The following SMAGP variants were observed in gnomAD, a reference collection of about 807,000 sequenced individuals.
SMAGP encodes the protein small cell transmembrane and glycosylated protein.
SMAGP carries 7 observed loss-of-function variants against 10.1 expected under a neutral mutation model. That is an observed-to-expected ratio of 0.70 (90% confidence interval 0.40 to 1.31). The LOEUF (loss-of-function observed/expected upper bound fraction) is 1.31. Ranked by LOEUF, SMAGP falls within the 50% of genes most tolerant of loss-of-function variation. The probability of loss-of-function intolerance (pLI) is 0.01; values close to 1 mark genes in which losing one functional copy is unlikely to be tolerated. For missense variants in SMAGP, 113 were observed against 116.5 expected (o/e 0.97, Z 0.14); for synonymous variants, 49 against 47.2 (o/e 1.04, Z -0.16).
intron 2 of SMAGP, among the ~76,000 whole-genome samples, chr12:51,256,123 G>GA (rs1417677178): frequency 2.0e-5 from 3 of 152,128 alleles, no homozygotes; most frequent in African/African-American, 7.2e-5. Flanking sequence ...AGCTCAGTGA[G>GA]AAAGTGGTGA....
chr12:51,249,531 C>T (rs1217021684), intron 2 of SMAGP, among the ~76,000 whole-genome samples: 1 of 152,118 alleles, frequency 6.6e-6, no homozygotes, highest in African/African-American at 2.4e-5. Flanking sequence ...CAGAGAAATT[C>T]TCAAATATTT....
intron 2 of SMAGP, 46 bp downstream of exon 2, chr12:51,269,199 G>T: frequency 6.2e-7 from 1 of 1,609,538 alleles, no homozygotes; most frequent in Non-Finnish European, 8.5e-7. Context: ...GGAAGGGGAT[G>T]TTGAACAATT....
In SMAGP at chr12:51,262,119, CAT is replaced by C. The variant is rs1474977968; in HGVS notation, c.34+7124_34+7125del. Among the ~76,000 whole-genome samples the C allele has an allele frequency of 5.6e-4, 85 of 151,662 alleles. 1 individual carries two copies. The highest frequency in any genetic ancestry group is 2.1e-4 in the South Asian group (1 of 4,792). ...AACTTTAAAAAACCCTATAAATATG[CAT>C]ATATATGTTTGTACATAGAAAAGGT... On this transcript the variant is annotated intron_variant, in intron 2 of 3. Transcript: ENST00000603798.
intron 2 of SMAGP, among the ~76,000 whole-genome samples, chr12:51,255,848 T>G (rs944112486): frequency 6.6e-6 from 1 of 152,168 alleles, no homozygotes; most frequent in Non-Finnish European, 1.5e-5. Flanking sequence ...CTCAGCTTAT[T>G]GCAGCCTCCG....
At chr12:51,246,427 CAGGA>C (rs1944770494) in intron 3 of SMAGP, 2 of 450,194 alleles carry the variant, frequency 4.4e-6, no homozygotes, top group Non-Finnish European at 7.9e-6. Context: ...CTTATCCTAA[CAGGA>C]AGTGGTTTAT....
chr12:51,263,589 C>CA (rs1408557128), intron 2 of SMAGP, among the ~76,000 whole-genome samples: 1 of 152,022 alleles, frequency 6.6e-6, no homozygotes, highest in East Asian at 1.9e-4. Flanking sequence ...CTTATTTCTA[C>CA]AAAAAATTAT....
At chr12:51,253,127 T>C (rs370412016) in intron 2 of SMAGP, among the ~76,000 whole-genome samples, 9 of 151,996 alleles carry the variant, frequency 5.9e-5, no homozygotes, top group East Asian at 1.9e-4. Context: ...TACGGCCTGT[T>C]TGGGGGGCTT....
At chr12:51,268,972 TCA>T (rs1945002201) in intron 2 of SMAGP, among the ~76,000 whole-genome samples, 1 of 152,184 alleles carries the variant, frequency 6.6e-6, no homozygotes, top group African/African-American at 2.4e-5. Context: ...TCCTCCTGTC[TCA>T]GTCTCCCAAA....
At position 51,245,807 on chromosome 12, in the gene SMAGP, G is replaced by T; in HGVS notation, c.*134C>A. ...GTCAGTGATGTCGGCATTTGGGACT[G>T]CGACCTGGCTGGAGCTTGGATTTGC... On this transcript the variant is annotated 3_prime_UTR_variant, in exon 4 of 4. Transcript: ENST00000603798. 9.8e-7 allele frequency: 1 copy of T among 1,022,460 alleles called. No individual in the cohort carries two copies. The highest frequency in any genetic ancestry group is 1.4e-6 in the Non-Finnish European group (1 of 710,298). 63.3% of individuals were successfully genotyped at this position (1,022,460 alleles called of 1,614,324 possible).
chr12:51,262,664 A>G (rs1266166536), intron 2 of SMAGP, among the ~76,000 whole-genome samples: 2 of 152,162 alleles, frequency 1.3e-5, no homozygotes, highest in Non-Finnish European at 2.9e-5. Flanking sequence ...GCTCAGGTTC[A>G]TAAGATTGAA....
chr12:51,246,518 G>A (rs914726385), intron 3 of SMAGP: 3 of 452,698 alleles, frequency 6.6e-6, no homozygotes, highest in African/African-American at 4.0e-5. Flanking sequence ...CAAGTGTAAC[G>A]TCCGTATGCA....
At chr12:51,270,199 T>TGCGGCGAATGTGGGCGAC (rs1945018438) in intron 1 of SMAGP, 57 bp downstream of exon 1, 1 of 152,448 alleles carries the variant, frequency 6.6e-6, no homozygotes, top group Admixed American at 6.5e-5. Context: ...CCGAGGTGGC[T>TGCGGCGAATGTGGGCGAC]GCGGCGAATG....
chr12:51,251,836 G>A (rs1314603574), intron 2 of SMAGP, among the ~76,000 whole-genome samples: 1 of 152,022 alleles, frequency 6.6e-6, no homozygotes, highest in Non-Finnish European at 1.5e-5. Flanking sequence ...ACCAAAAGAG[G>A]TTCAGAGGAC....
intron 1 of SMAGP, 88 bp from the exon 2 acceptor site, chr12:51,269,404 A>G: frequency 9.8e-7 from 1 of 1,016,744 alleles, no homozygotes; most frequent in Non-Finnish European, 1.5e-6. Context: ...CTCTGGTGCC[A>G]GGTTCTCCCA....
At chr12:51,248,434 A>ACACACACACTCTCACTCTCTCTCTCTCT (rs1188710796) in intron 2 of SMAGP, among the ~76,000 whole-genome samples, 24 of 77,562 alleles carry the variant, frequency 3.1e-4, no homozygotes, top group African/African-American at 1.1e-3. Flanking sequence ...ACACACACAC[A>ACACACACACTCTCACTCTCTCTCTCTCT]CTCTCTCTCT....
At chr12:51,259,930 G>C (rs2137305612) in intron 2 of SMAGP, among the ~76,000 whole-genome samples, 1 of 152,120 alleles carries the variant, frequency 6.6e-6, no homozygotes, top group South Asian at 2.1e-4. Context: ...GCCCACGCTG[G>C]TCTTGAACTC....
At chr12:51,251,698 G>C (rs1014903647) in intron 2 of SMAGP, 1 of 152,124 alleles carries the variant, frequency 6.6e-6, no homozygotes, top group Non-Finnish European at 1.5e-5. Flanking sequence ...GCTCACTGGT[G>C]ATAGGTAACT....
chr12:51,254,600 C>T (rs1034805244), intron 2 of SMAGP, among the ~76,000 whole-genome samples: 23 of 151,654 alleles, frequency 1.5e-4, no homozygotes, highest in Middle Eastern at 3.4e-3. Context: ...CTATATTAGA[C>T]GTTAATTAGC....
At chr12:51,268,378 G>C (rs149877061) in intron 2 of SMAGP, among the ~76,000 whole-genome samples, 1 of 151,924 alleles carries the variant, frequency 6.6e-6, no homozygotes, top group African/African-American at 2.4e-5. Context: ...GATGAAACCG[G>C]AGCTTAGAGG....
Sources: gnomAD v4.1 joint callset for allele counts (sites outside exome capture counted in the v4.1 genomes callset) on GRCh38, gnomAD v4.1.1 for gene constraint, MANE v1.5 for transcripts, NCBI Gene and HGNC (gene_info 2026-07-23, HGNC 2026-07-21) for gene names.